Variants in ACSS1 observed in about 807,000 individuals in gnomAD.
ACSS1 encodes acetyl-coenzyme A synthetase 2-like, mitochondrial.
A neutral mutation model predicts 75.3 loss-of-function variants in ACSS1; 42 were observed. The ratio of observed to expected loss-of-function variants is 0.56; its 90% CI spans 0.44 to 0.72. ACSS1 has a LOEUF of 0.72. Ranked by LOEUF, ACSS1 falls within the 30% of genes least tolerant of loss-of-function variation. The probability of loss-of-function intolerance (pLI) is 0.00; values close to 1 mark genes in which losing one functional copy is unlikely to be tolerated. For missense variants in ACSS1, 782 were observed against 935.7 expected, an observed-to-expected ratio of 0.84 and a Z score of 2.14; for synonymous variants, 380 against 376.8, an observed-to-expected ratio of 1.01 and a Z score of -0.10.
At position 25,014,023 on chromosome 20, in the gene ACSS1, T is replaced by C. The variant is rs1471456481; in HGVS notation, c.1390A>G (p.Ile464Val). The C allele has an allele frequency of 5.0e-6, 8 of 1,613,512 alleles. No individual in the cohort carries two copies. The highest frequency in any genetic ancestry group is 6.8e-6 in the Non-Finnish European group (8 of 1,179,858). Reference protein sequence around the residue: ...APRPSEEGAEILPAMAMRPFF... With the variant: ...APRPSEEGAEVLPAMAMRPFF... Reference sequence around the variant, plus strand: ...GGCCTCATCGCCATGGCAGGGAGGATTTCCGCCCCTTCTTCCGAGGGCCGT... The same window carrying C: ...GGCCTCATCGCCATGGCAGGGAGGACTTCCGCCCCTTCTTCCGAGGGCCGT... The change falls in exon 9 of 14, where the codon ATC (isoleucine) becomes GTC (valine). Residue 464 changes from isoleucine (I) to valine (V), a missense_variant. By Grantham distance (29) the Ile-to-Val change is conservative (BLOSUM62 3). Transcript: ENST00000323482.
chr20:25,012,763 G>T, intron 11 of ACSS1, 49 bp downstream of exon 11: 1 of 1,613,284 alleles, frequency 6.2e-7, no homozygotes, highest in Non-Finnish European at 8.5e-7. Context: ...GGTCCACAGG[G>T]GCATCATGGA....
chr20:25,044,930 T>C (rs889575476), intron 2 of ACSS1, among the ~76,000 whole-genome samples: 6 of 152,170 alleles, frequency 3.9e-5, no homozygotes, highest in Non-Finnish European at 8.8e-5. Context: ...CCAGTGGGAA[T>C]TGAGGACTGC....
chr20:25,038,336 G>T (rs999803347), intron 2 of ACSS1, among the ~76,000 whole-genome samples: 1 of 152,174 alleles, frequency 6.6e-6, no homozygotes, highest in Non-Finnish European at 1.5e-5. Context: ...CACCACTGGG[G>T]CCTGAACTGT....
chr20:25,051,469 A>G (rs540320454), intron 1 of ACSS1, among the ~76,000 whole-genome samples: 2 of 152,206 alleles, frequency 1.3e-5, no homozygotes, highest in South Asian at 4.1e-4. Flanking sequence ...TTTTGGCCCA[A>G]ATCAGTGCTT....
chr20:25,048,541 G>A (rs2089132044), intron 1 of ACSS1, among the ~76,000 whole-genome samples: 1 of 152,176 alleles, frequency 6.6e-6, no homozygotes, highest in Non-Finnish European at 1.5e-5. Flanking sequence ...TGCAGCCAGG[G>A]CTGGGCACTG....
intron 3 of ACSS1, among the ~76,000 whole-genome samples, chr20:25,026,332 C>T (rs575004045): frequency 2.0e-5 from 3 of 152,300 alleles, no homozygotes; most frequent in East Asian, 1.9e-4. Context: ...CGGACTGGTT[C>T]GGCCAATCTA....
At chr20:25,029,053 AC>A (rs2088778522) in intron 3 of ACSS1, among the ~76,000 whole-genome samples, 1 of 152,232 alleles carries the variant, frequency 6.6e-6, no homozygotes, top group Admixed American at 6.5e-5. Context: ...AAAATTTAAA[AC>A]TTTTATACAC....
intron 2 of ACSS1, among the ~76,000 whole-genome samples, chr20:25,038,835 T>C (rs2088957053): frequency 6.6e-6 from 1 of 152,156 alleles, no homozygotes; most frequent in African/African-American, 2.4e-5. Context: ...CCACATGCTC[T>C]GCACAGCCTA....
rs2088309792 is a variant in ACSS1 at position 25,006,517 on chromosome 20, C to T, written c.*1245G>A. 3.8e-6 allele frequency: 1 copy of T among 265,436 alleles called. No individual in the cohort carries two copies. Among genetic ancestry groups the T allele is most frequent in the African/African-American group, 2.2e-5 (1 of 45,920 alleles). The allele number at this position is 265,436 out of a possible 1,614,324, so 16.4% of individuals were successfully genotyped here. On this transcript the variant is annotated 3_prime_UTR_variant, in exon 14 of 14. Coordinates refer to ENST00000323482, the MANE Select transcript of ACSS1 (RefSeq NM_032501.4). Reference sequence around the variant, plus strand: ...CAGCACAACCACGACCGAGTGGGTACTCAGTGGCCCAGACACCCCCCGAAC... The same window carrying T: ...CAGCACAACCACGACCGAGTGGGTATTCAGTGGCCCAGACACCCCCCGAAC...
chr20:25,040,933 A>G (rs2088990948), intron 2 of ACSS1, among the ~76,000 whole-genome samples: 1 of 152,256 alleles, frequency 6.6e-6, no homozygotes, highest in South Asian at 2.1e-4. Flanking sequence ...TTGAATAATT[A>G]TTCATTTAAG....
rs374974276 is a variant in ACSS1 at position 25,014,046 on chromosome 20, C to T, written c.1367G>A (p.Arg456Gln). Reference sequence around the variant, plus strand: ...GATTTCCGCCCCTTCTTCCGAGGGCCGTGGTGCGATGCAGATGCCACCTGT... The same window carrying T: ...GATTTCCGCCCCTTCTTCCGAGGGCTGTGGTGCGATGCAGATGCCACCTGT... ...TETGGICIAP[R>Q]PSEEGAEILP... is the part of the protein sequence containing the mutation. Residue 456 changes from arginine to glutamine, a missense_variant, in exon 9 of 14, where the codon CGG (arginine) becomes CAG (glutamine). Arg to Gln is a conservative substitution (Grantham distance 43, BLOSUM62 1). Around this residue, in one of 2 missense-constraint regions of ACSS1, gnomAD observed 405 missense variants for 552.6 expected, o/e 0.73. Coordinates refer to ENST00000323482, the MANE Select transcript of ACSS1 (RefSeq NM_032501.4). 81 of 1,612,264 alleles carry T rather than the reference C, an allele frequency of 5.0e-5. No homozygotes were observed. The East Asian group carries it at 8.3e-4, about 16-fold the overall frequency.
intron 6 of ACSS1, 102 bp from the exon 7 acceptor site, chr20:25,020,249 G>A (rs962567910): frequency 7.6e-5 from 114 of 1,493,528 alleles, no homozygotes; most frequent in Non-Finnish European, 9.3e-5. Context: ...ATGTGCAGAC[G>A]CGCATATGTC....
intron 12 of ACSS1, chr20:25,010,982 A>T (rs1034698990): frequency 2.0e-5 from 3 of 152,240 alleles, no homozygotes; most frequent in African/African-American, 4.8e-5. Context: ...GAGCCAACCA[A>T]GAGCTGTTCA....
chr20:25,015,058 C>G (rs1424471338), intron 8 of ACSS1, 80 bp downstream of exon 8: 1 of 1,294,562 alleles, frequency 7.7e-7, no homozygotes, highest in Non-Finnish European at 1.1e-6. Flanking sequence ...CTGTTGAGAG[C>G]TTGGACCCCA....
chr20:25,055,757 A>G (rs1445679278), intron 1 of ACSS1, among the ~76,000 whole-genome samples: 1 of 152,206 alleles, frequency 6.6e-6, no homozygotes, highest in Admixed American at 6.5e-5. Flanking sequence ...TTTCTTCAAG[A>G]GTGATATTCC....
At chr20:25,038,801 G>A (rs2088956574) in intron 2 of ACSS1, among the ~76,000 whole-genome samples, 1 of 152,138 alleles carries the variant, frequency 6.6e-6, no homozygotes, top group African/African-American at 2.4e-5. Context: ...GCTTCCAAAA[G>A]GCCAGAGGGA....
Position 25,029,159 on chromosome 20 carries a change from A to G in ACSS1, c.631+1600T>C, listed in dbSNP as rs184760970. ...GATAGAGGTCTAATATTCAGAATAT[A>G]TAAGTAACTTACATACTCAACAACA... On this transcript the variant is annotated intron_variant, in intron 3 of 13. Transcript: ENST00000323482. 5.6e-4 allele frequency among the ~76,000 whole-genome samples: 85 copies of G among 152,364 alleles called. 1 individual carries two copies. The highest frequency in any genetic ancestry group is 5.4e-4 in the Non-Finnish European group (37 of 68,032).
chr20:25,012,391 G>A, intron 12 of ACSS1: 1 of 622,436 alleles, frequency 1.6e-6, no homozygotes, highest in Non-Finnish European at 2.8e-6. Context: ...TGAAAGGACA[G>A]CAGAACCAGG....
chr20:25,007,968 A>T, intron 13 of ACSS1, 27 bp from the exon 14 acceptor site: 2 of 1,610,658 alleles, frequency 1.2e-6, no homozygotes, highest in Non-Finnish European at 1.7e-6. Context: ...ACAGTGTTAG[A>T]GCGTGGATGG....
Sources: gnomAD v4.1 joint callset for allele counts (sites outside exome capture counted in the v4.1 genomes callset) on GRCh38, gnomAD v4.1.1 for gene constraint, gnomAD v4.1.1 regional missense constraint, MANE v1.5 for transcripts, NCBI Gene and HGNC (gene_info 2026-07-23, HGNC 2026-07-21) for gene names.